NRG3: variants seen among roughly 807,000 people sequenced by gnomAD.
NRG3 encodes the protein pro-neuregulin-3, membrane-bound isoform.
NRG3 carries 31 observed loss-of-function variants against 66.9 expected under a neutral mutation model. That is an observed-to-expected ratio of 0.46 (90% confidence interval 0.35 to 0.63). The LOEUF (loss-of-function observed/expected upper bound fraction) is 0.63, where lower values mean the gene tolerates loss of function less well. NRG3 is among the 20% of genes least tolerant of loss of function. The pLI is 0.00. For missense variants in NRG3, 910 were observed against 878.9 expected (o/e 1.04, Z -0.45); for synonymous variants, 393 against 359.4 (o/e 1.09, Z -1.06).
intron 1 of NRG3, among the ~76,000 whole-genome samples, chr10:82,222,771 G>A (rs1449871563): frequency 6.6e-6 from 1 of 152,082 alleles, no homozygotes; most frequent in Non-Finnish European, 1.5e-5. Flanking sequence ...GACTTAAGTT[G>A]GTCTTCCAAA....
chr10:82,554,817 C>A (rs1384682557), intron 2 of NRG3, among the ~76,000 whole-genome samples: 1 of 152,114 alleles, frequency 6.6e-6, no homozygotes, highest in Non-Finnish European at 1.5e-5. Context: ...TGCTAGAGAC[C>A]TCTACATATT....
intron 2 of NRG3, among the ~76,000 whole-genome samples, chr10:82,709,147 T>C (rs1565225439): frequency 6.6e-6 from 1 of 152,148 alleles, no homozygotes; most frequent in South Asian, 2.1e-4. Context: ...TTGATGAATA[T>C]GTAAGTTGAA....
chr10:82,962,153 T>C (rs1850711799), intron 6 of NRG3, among the ~76,000 whole-genome samples: 1 of 152,200 alleles, frequency 6.6e-6, no homozygotes, highest in Admixed American at 6.5e-5. Flanking sequence ...TGGAGTAGAT[T>C]ACCCTCCCTG....
chr10:82,743,363 G>A (rs1257447681), intron 3 of NRG3, among the ~76,000 whole-genome samples: 1 of 152,106 alleles, frequency 6.6e-6, no homozygotes, highest in East Asian at 1.9e-4. Context: ...CTAGGAGCCT[G>A]GTCTGGATGT....
rs567743405 is a variant in NRG3, at chr10:82,382,724, T to A, written c.953+23856T>A. ...TGTATATAAGACTGTAAAGTAGTTA[T>A]CTGTACATTTTATACATAATGCATA... On this transcript the variant is annotated intron_variant, in intron 2 of 8. Transcript: ENST00000372141. Among the ~76,000 whole-genome samples, 3 of 152,170 alleles carry A rather than the reference T, an allele frequency of 2.0e-5. No individual in the cohort carries two copies. In the South Asian group the frequency reaches 6.2e-4, roughly 32 times the overall value.
intron 1 of NRG3, among the ~76,000 whole-genome samples, chr10:82,173,180 C>T (rs1355566904): frequency 6.6e-6 from 1 of 152,010 alleles, no homozygotes; most frequent in African/African-American, 2.4e-5. Context: ...GTATTTGCAT[C>T]TGCACATTGA....
intron 3 of NRG3, among the ~76,000 whole-genome samples, chr10:82,825,723 G>A (rs977997688): frequency 1.6e-4 from 25 of 152,100 alleles, no homozygotes; most frequent in African/African-American, 5.6e-4. Flanking sequence ...TTACATATCT[G>A]TTTATATATT....
At chr10:82,781,130 T>C (rs1436720376) in intron 3 of NRG3, among the ~76,000 whole-genome samples, 1 of 152,168 alleles carries the variant, frequency 6.6e-6, no homozygotes, top group African/African-American at 2.4e-5. Context: ...TTTCCTTCAA[T>C]CTTGCAATCC....
intron 1 of NRG3, among the ~76,000 whole-genome samples, chr10:81,938,408 C>G (rs1015185085): frequency 6.8e-6 from 1 of 147,916 alleles, no homozygotes; most frequent in Non-Finnish European, 1.5e-5. Flanking sequence ...TTTTTTCCAG[C>G]AATGTCTTAT....
chr10:82,752,947 C>G (rs930141770), intron 3 of NRG3, among the ~76,000 whole-genome samples: 14 of 152,158 alleles, frequency 9.2e-5, no homozygotes, highest in African/African-American at 3.4e-4. Flanking sequence ...GATGTAACAA[C>G]CCATCTGTGA....
rs74435046 is a variant in NRG3, at chr10:82,122,254, C to T, written c.824-236485C>T. ...TGTGGTTCTTATACCAAACTTTTTG[C>T]ATGGGTAGGGCACTGATCTTCTTCA... On this transcript the variant is annotated intron_variant, in intron 1 of 8. Coordinates refer to ENST00000372141, the MANE Select transcript of NRG3 (RefSeq NM_001010848.4). Among the ~76,000 whole-genome samples the T allele has an allele frequency of 1.2e-3, 190 of 152,216 alleles. 3 individuals carry two copies. The East Asian group carries it at 0.025, about 20-fold the overall frequency.
intron 4 of NRG3, among the ~76,000 whole-genome samples, chr10:82,950,804 G>A (rs906582101): frequency 2.0e-5 from 3 of 152,166 alleles, no homozygotes; most frequent in Non-Finnish European, 4.4e-5. Flanking sequence ...GAGTATAAAT[G>A]GTAGTGGCTA....
At chr10:81,937,154 C>T (rs919015511) in intron 1 of NRG3, among the ~76,000 whole-genome samples, 2 of 152,098 alleles carry the variant, frequency 1.3e-5, no homozygotes, top group African/African-American at 2.4e-5. Flanking sequence ...GCATAGAAAA[C>T]GTGTTCTTTA....
chr10:82,089,122 A>C (rs531650308), intron 1 of NRG3, among the ~76,000 whole-genome samples: 1 of 152,208 alleles, frequency 6.6e-6, no homozygotes, highest in Non-Finnish European at 1.5e-5. Flanking sequence ...ACAAGTCTAC[A>C]GTTAGTTTTA....
chr10:82,014,730 T>G (rs1014150060), intron 1 of NRG3, among the ~76,000 whole-genome samples: 1 of 152,128 alleles, frequency 6.6e-6, no homozygotes, highest in Non-Finnish European at 1.5e-5. Context: ...GGTGCTGGCT[T>G]CAGGCAGGAA....
intron 2 of NRG3, among the ~76,000 whole-genome samples, chr10:82,520,571 C>T (rs1846090975): frequency 6.6e-6 from 1 of 152,132 alleles, no homozygotes; most frequent in Non-Finnish European, 1.5e-5. Flanking sequence ...GACTGTGGTT[C>T]TGAGCTCAGC....
At position 82,201,842 on chromosome 10, in the gene NRG3, A is replaced by G. The variant is rs141358448; in HGVS notation, c.824-156897A>G. On this transcript the variant is annotated intron_variant, in intron 1 of 8. Transcript: ENST00000372141. ...GTATTTTACTTCACATAAATTTGACATTCATTTCATCGTTCATTTTGTGTC... is the reference window on the plus strand; with the variant it reads ...GTATTTTACTTCACATAAATTTGACGTTCATTTCATCGTTCATTTTGTGTC... Among the ~76,000 whole-genome samples, 154 of 152,298 alleles carry G rather than the reference A, an allele frequency of 1.0e-3. 1 individual carries two copies. The highest frequency in any genetic ancestry group is 3.4e-3 in the Middle Eastern group (1 of 292).
At chr10:81,973,255 T>C (rs2059996632) in intron 1 of NRG3, among the ~76,000 whole-genome samples, 3 of 152,198 alleles carry the variant, frequency 2.0e-5, no homozygotes, top group Non-Finnish European at 4.4e-5. Flanking sequence ...TTTCTAATAG[T>C]TGTATAACAT....
At chr10:82,038,232 A>C (rs970758479) in intron 1 of NRG3, among the ~76,000 whole-genome samples, 1 of 152,164 alleles carries the variant, frequency 6.6e-6, no homozygotes, top group Non-Finnish European at 1.5e-5. Flanking sequence ...AATGTAAACC[A>C]AGCTTATTTC....
Sources: allele counts gnomAD v4.1 joint callset (sites outside exome capture counted in the v4.1 genomes callset), GRCh38; gene constraint gnomAD v4.1.1; transcripts MANE v1.5; gene names NCBI Gene and HGNC (gene_info 2026-07-23, HGNC 2026-07-21).